The following TNFRSF19 variants were observed in gnomAD, a reference collection of about 807,000 sequenced individuals.
TNFRSF19 encodes TNF receptor superfamily member 19, also known as tumor necrosis factor receptor superfamily member 19.
Under a neutral mutation model 46.4 loss-of-function variants are expected in TNFRSF19, and 27 were observed. That is an observed-to-expected ratio of 0.58 (90% CI 0.43 to 0.80). The LOEUF is 0.80. Among genes scored for constraint, TNFRSF19 ranks in the 30% least tolerant of loss-of-function variants. The pLI is 0.00. For synonymous variants in TNFRSF19, 204 were observed against 205.0 expected (o/e 1.00, Z 0.04); for missense variants, 511 against 530.8 (o/e 0.96, Z 0.37).
intron 5 of TNFRSF19, among the ~76,000 whole-genome samples, chr13:23,657,593 T>C (rs1884063219): frequency 6.6e-6 from 1 of 152,230 alleles, no homozygotes; most frequent in South Asian, 2.1e-4. Flanking sequence ...AAATATGTCA[T>C]AAATAATTTT....
At chr13:23,638,364 A>T (rs1882828148) in intron 5 of TNFRSF19, among the ~76,000 whole-genome samples, 1 of 152,174 alleles carries the variant, frequency 6.6e-6, no homozygotes, top group African/African-American at 2.4e-5. Flanking sequence ...GCCAAAGAGG[A>T]TCCTGAAGCA....
At chr13:23,653,021 T>C (rs1184695593) in intron 5 of TNFRSF19, among the ~76,000 whole-genome samples, 2 of 152,234 alleles carry the variant, frequency 1.3e-5, no homozygotes, top group African/African-American at 4.8e-5. Context: ...GAAGTTTCTC[T>C]GTCTCGTATT....
chr13:23,589,774 G>T (rs568517966), intron 1 of TNFRSF19, among the ~76,000 whole-genome samples: 2 of 152,260 alleles, frequency 1.3e-5, no homozygotes, highest in South Asian at 4.2e-4. Flanking sequence ...TACCCTGTTG[G>T]CATTGTCCAA....
rs1566160959 is a variant in TNFRSF19, at chr13:23,581,797, T to G, written c.-34-8353T>G. On this transcript the variant is annotated intron_variant, in intron 1 of 9. Coordinates refer to ENST00000248484, the MANE Select transcript of TNFRSF19 (RefSeq NM_148957.4). Reference sequence around the variant, plus strand: ...GCTTAACTCAATCCCCTGTGGCCAATTCTACCCCTGAAAAATTAACACGAT... The same window carrying G: ...GCTTAACTCAATCCCCTGTGGCCAAGTCTACCCCTGAAAAATTAACACGAT... 2.6e-5 allele frequency among the ~76,000 whole-genome samples: 4 copies of G among 152,210 alleles called. No individual in the cohort carries two copies. The South Asian group carries it at 8.3e-4, about 31-fold the overall frequency.
intron 5 of TNFRSF19, among the ~76,000 whole-genome samples, chr13:23,654,645 G>T (rs1313469218): frequency 1.3e-5 from 2 of 152,292 alleles, no homozygotes; most frequent in Admixed American, 6.5e-5. Context: ...CTGTACTTTG[G>T]TTATCATTAC....
intron 4 of TNFRSF19, among the ~76,000 whole-genome samples, chr13:23,616,780 C>T (rs1402281586): frequency 2.0e-5 from 3 of 152,076 alleles, no homozygotes; most frequent in African/African-American, 7.2e-5. Flanking sequence ...GATGGTGTTT[C>T]TCCATGTTGG....
intron 7 of TNFRSF19, among the ~76,000 whole-genome samples, chr13:23,664,349 G>C (rs1032544604): frequency 2.6e-5 from 4 of 151,932 alleles, no homozygotes; most frequent in Admixed American, 6.6e-5. Context: ...TTATTGCACT[G>C]TGGTCTGAGC....
intron 5 of TNFRSF19, among the ~76,000 whole-genome samples, chr13:23,628,147 T>C (rs758898395): frequency 6.6e-6 from 1 of 152,218 alleles, no homozygotes; most frequent in Non-Finnish European, 1.5e-5. Context: ...AATCCTGTTC[T>C]GTTGTTGGCT....
chr13:23,667,139 ATG>A (rs34264440), intron 7 of TNFRSF19, among the ~76,000 whole-genome samples: 45,133 of 97,724 alleles, frequency 0.46, 7,041 homozygotes, highest in Middle Eastern at 0.54. Context: ...ATATATATAT[ATG>A]TATGTATAGA....
intron 1 of TNFRSF19, among the ~76,000 whole-genome samples, chr13:23,574,073 A>AC (rs1209996643): frequency 3.3e-5 from 5 of 151,502 alleles, no homozygotes; most frequent in Admixed American, 3.3e-4. Flanking sequence ...AAAAAAAAAA[A>AC]AAAAAAAATC....
intron 3 of TNFRSF19, among the ~76,000 whole-genome samples, chr13:23,600,192 T>C (rs1245081597): frequency 6.6e-6 from 1 of 152,222 alleles, no homozygotes; most frequent in Admixed American, 6.5e-5. Context: ...TCTGATTTCA[T>C]ATATATGAGG....
Position 23,667,985 on chromosome 13 carries a change from G to T in TNFRSF19, c.742G>T (p.Val248Leu), listed in dbSNP as rs202087628. 6.2e-7 allele frequency: 1 copy of T among 1,604,684 alleles called. No individual in the cohort carries two copies. Among genetic ancestry groups the T allele is most frequent in the Non-Finnish European group, 8.5e-7 (1 of 1,175,720 alleles). ...RRDSVQTCGPVRLLPSMCCEE... is the reference protein window; with the variant it reads ...RRDSVQTCGPLRLLPSMCCEE... ...ACCTGTGCTGTCTTCCCTAGGGCCG[G>T]TGCGCTTGCTCCCATCCATGTGCTG... Residue 248 changes from valine to leucine, a missense_variant, in exon 8 of 10, where the codon GTG becomes TTG. Val to Leu is a conservative substitution (Grantham distance 32). This residue lies in a region of TNFRSF19 where 376 missense variants were observed against 372.7 expected (regional missense o/e 1.01). Coordinates refer to ENST00000248484, the MANE Select transcript of TNFRSF19 (RefSeq NM_148957.4).
chr13:23,660,201 A>C (rs1884265540), intron 6 of TNFRSF19, among the ~76,000 whole-genome samples, 164 bp from the exon 7 acceptor site: 1 of 152,206 alleles, frequency 6.6e-6, no homozygotes, highest in South Asian at 2.1e-4. Context: ...TACATTTTGA[A>C]CTTTCTTAAC....
At position 23,593,331 on chromosome 13, in the gene TNFRSF19, A is replaced by ATTT; in HGVS notation, c.70-6_70-4dup. 7.3e-7 allele frequency: 1 copy of ATTT among 1,370,474 alleles called. No individual in the cohort carries two copies. Among genetic ancestry groups the ATTT allele is most frequent in the Non-Finnish European group, 9.9e-7 (1 of 1,012,174 alleles). The allele number at this position is 1,370,474 out of a possible 1,614,324, so 84.9% of individuals were successfully genotyped here. On this transcript the variant is annotated splice_polypyrimidine_tract_variant and intron_variant, in intron 2 of 9. Coordinates refer to ENST00000248484, the MANE Select transcript of TNFRSF19 (RefSeq NM_148957.4). ...ATACTTTAAGATAACATTTTGTTAA[A>ATTT]TTTTTTTTTTCAGTCATGTAAAGTG...
At chr13:23,647,964 C>T (rs1238327607) in intron 5 of TNFRSF19, among the ~76,000 whole-genome samples, 1 of 152,148 alleles carries the variant, frequency 6.6e-6, no homozygotes, top group Non-Finnish European at 1.5e-5. Context: ...TCTAGTACCA[C>T]ACCACCCCCC....
At chr13:23,621,612 AT>A (rs1881658356) in intron 4 of TNFRSF19, among the ~76,000 whole-genome samples, 1 of 152,166 alleles carries the variant, frequency 6.6e-6, no homozygotes, top group Non-Finnish European at 1.5e-5. Flanking sequence ...CTACAGCCAG[AT>A]TTTTTTAAAA....
At chr13:23,579,882 A>G (rs1009040006) in intron 1 of TNFRSF19, among the ~76,000 whole-genome samples, 3 of 148,918 alleles carry the variant, frequency 2.0e-5, no homozygotes, top group Admixed American at 2.0e-4. Flanking sequence ...CCCAAGCCCG[A>G]CCCGGCCCCG....
chr13:23,667,509 C>A (rs1226823707), intron 7 of TNFRSF19, among the ~76,000 whole-genome samples: 1 of 152,182 alleles, frequency 6.6e-6, no homozygotes, highest in South Asian at 2.1e-4. Context: ...AGTCTCACTT[C>A]GTGGTCTCCC....
At chr13:23,664,623 A>G (rs542232931) in intron 7 of TNFRSF19, among the ~76,000 whole-genome samples, 7 of 152,326 alleles carry the variant, frequency 4.6e-5, no homozygotes, top group Non-Finnish European at 1.5e-5. Context: ...ACCATATTCT[A>G]TTAGATTGAC....
Sources: gnomAD v4.1 joint callset for allele counts (sites outside exome capture counted in the v4.1 genomes callset) on GRCh38, gnomAD v4.1.1 for gene constraint, gnomAD v4.1.1 regional missense constraint, MANE v1.5 for transcripts, NCBI Gene and HGNC (gene_info 2026-07-23, HGNC 2026-07-21) for gene names.